The following TRIM66 variants were observed in gnomAD, a reference collection of about 807,000 sequenced individuals.
TRIM66 encodes the protein tripartite motif-containing protein 66.
Under a neutral mutation model 148.2 loss-of-function variants are expected in TRIM66, and 99 were observed. The observed-to-expected ratio is 0.67, with a 90% CI of 0.57 to 0.79. The LOEUF (loss-of-function observed/expected upper bound fraction) is 0.79. Ranked by LOEUF, TRIM66 falls within the 30% of genes least tolerant of loss-of-function variation. The probability of loss-of-function intolerance (pLI) is 0.00; values close to 1 mark genes in which losing one functional copy is unlikely to be tolerated. For missense variants in TRIM66, 1,666 were observed against 1,697.9 expected, an observed-to-expected ratio of 0.98 and a Z score of 0.33; for synonymous variants, 616 against 635.9, an observed-to-expected ratio of 0.97 and a Z score of 0.47.
At chr11:8,682,930 T>C (rs2039513379), upstream of TRIM66, 13 of 1,368,694 alleles carry the variant, frequency 9.5e-6, no homozygotes, top group Non-Finnish European at 1.3e-5. Flanking sequence ...AGGCTGCGCA[T>C]GGCCGCCTGC....
At chr11:8,661,820 C>T (rs540053041) in intron 6 of TRIM66, among the ~76,000 whole-genome samples, 13 of 152,266 alleles carry the variant, frequency 8.5e-5, no homozygotes, top group Admixed American at 4.6e-4. Flanking sequence ...CAGAAAGTTC[C>T]AGCAGACAAG....
intron 15 of TRIM66, among the ~76,000 whole-genome samples, chr11:8,636,689 T>C (rs1388419461): frequency 1.3e-5 from 2 of 152,174 alleles, no homozygotes; most frequent in African/African-American, 2.4e-5. Flanking sequence ...TCCATTCCTA[T>C]TGCTATTGAT....
At chr11:8,677,941 A>G (rs1592221461) in intron 3 of TRIM66, among the ~76,000 whole-genome samples, 2 of 152,252 alleles carry the variant, frequency 1.3e-5, no homozygotes, top group East Asian at 1.9e-4. Flanking sequence ...GCTGAAGAAA[A>G]CCTCGCCTGA....
intron 22 of TRIM66, 112 bp from the exon 23 acceptor site, chr11:8,619,647 T>G: frequency 9.4e-7 from 1 of 1,064,038 alleles, no homozygotes; most frequent in Non-Finnish European, 1.3e-6. Flanking sequence ...AGTGAAAGAA[T>G]AGGAAGAGGA....
chr11:8,662,365 T>A (rs535629289), intron 6 of TRIM66, among the ~76,000 whole-genome samples: 1 of 152,368 alleles, frequency 6.6e-6, no homozygotes, highest in South Asian at 2.1e-4. Flanking sequence ...TCTAAGGTTG[T>A]AGCATCTTGC....
At chr11:8,647,375 A>G (rs1350555207) in intron 10 of TRIM66, among the ~76,000 whole-genome samples, 2 of 152,236 alleles carry the variant, frequency 1.3e-5, no homozygotes, top group East Asian at 3.9e-4. Context: ...GTGTGATCTC[A>G]GATGAGTTAC....
At chr11:8,681,278 C>A (rs533972370) in intron 1 of TRIM66, among the ~76,000 whole-genome samples, 2 of 151,946 alleles carry the variant, frequency 1.3e-5, no homozygotes, top group Non-Finnish European at 2.9e-5. Flanking sequence ...GGACTACAGG[C>A]GCCCACCACC....
At chr11:8,651,399 C>T (rs1057288667) in intron 7 of TRIM66, among the ~76,000 whole-genome samples, 3 of 151,958 alleles carry the variant, frequency 2.0e-5, no homozygotes, top group Non-Finnish European at 4.4e-5. Flanking sequence ...GGTTAATAAA[C>T]CCATTTAATC....
chr11:8,622,639 A>G (rs969077926), intron 18 of TRIM66, among the ~76,000 whole-genome samples, 177 bp downstream of exon 18: 1 of 151,970 alleles, frequency 6.6e-6, no homozygotes, highest in African/African-American at 2.4e-5. Context: ...TGCAGGAGCC[A>G]GGACATCCTC....
At position 8,657,982 on chromosome 11, in the gene TRIM66, G is replaced by A. The variant is rs368935689; in HGVS notation, c.341-6079C>T. On this transcript the variant is annotated intron_variant, in intron 6 of 24. Coordinates refer to ENST00000646038, the MANE Select transcript of TRIM66 (RefSeq NM_001388022.1). ...AGGTGAGACCACCACAGGTCCCAGAGGATGGCGCTTACCAAGCGCCCAGGA... is the reference window on the plus strand; with the variant it reads ...AGGTGAGACCACCACAGGTCCCAGAAGATGGCGCTTACCAAGCGCCCAGGA... Among the ~76,000 whole-genome samples the A allele has an allele frequency of 3.2e-4, 48 of 152,258 alleles. No homozygotes were observed. In the East Asian group the frequency reaches 5.4e-3, roughly 17 times the overall value.
intron 4 of TRIM66, among the ~76,000 whole-genome samples, chr11:8,672,935 CTCTT>C (rs1464690751): frequency 7.7e-6 from 1 of 129,870 alleles, no homozygotes; most frequent in Non-Finnish European, 1.6e-5. Flanking sequence ...CTGGCCCATA[CTCTT>C]TTTTTTTTTT....
In TRIM66 at chr11:8,638,739, G is replaced by C. The variant is rs548842543; in HGVS notation, c.2225C>G (p.Pro742Arg). The C allele has an allele frequency of 1.6e-5, 25 of 1,550,648 alleles. No homozygotes were observed. Among genetic ancestry groups the C allele is most frequent in the Middle Eastern group, 3.3e-4 (2 of 6,006 alleles). Residue 742 changes from proline (P) to arginine (R), a missense_variant, in exon 15 of 25, where the codon CCC becomes CGC. This residue lies in a region of TRIM66 where 1,431 missense variants were observed against 1,412.4 expected (regional missense o/e 1.01). Transcript: ENST00000646038. ...PLDKNTAAALPQASGEETPLS... is the reference protein window; with the variant it reads ...PLDKNTAAALRQASGEETPLS... ...AGGGGTTTCTTCCCCAGACGCCTGGGGCAAGGCAGCAGCAGTATTCTTGTC... is the reference window on the plus strand; with the variant it reads ...AGGGGTTTCTTCCCCAGACGCCTGGCGCAAGGCAGCAGCAGTATTCTTGTC...
At position 8,677,175 on chromosome 11, in the gene TRIM66, A is replaced by AT. The variant is rs1295613170; in HGVS notation, c.-189-2293dup. 7.9e-5 allele frequency among the ~76,000 whole-genome samples: 12 copies of AT among 152,174 alleles called. 1 individual carries two copies. Among genetic ancestry groups the AT allele is most frequent in the Admixed American group, 7.9e-4 (12 of 15,282 alleles). ...ACAAATTATCATAAAAATAACACTC[A>AT]TTTTAGGGAGAAAATGTGAGCGAGA... On this transcript the variant is annotated intron_variant, in intron 3 of 24. Coordinates refer to ENST00000646038, the MANE Select transcript of TRIM66 (RefSeq NM_001388022.1).
chr11:8,619,396 G>C lies in TRIM66; in HGVS notation c.3887C>G (p.Ala1296Gly). The change falls in exon 23 of 25, where the codon GCT becomes GGT. Residue 1296 changes from alanine (A) to glycine (G), a missense_variant. This residue lies in a region of TRIM66 where 204 missense variants were observed against 231.0 expected (regional missense o/e 0.88). Coordinates refer to ENST00000646038, the MANE Select transcript of TRIM66 (RefSeq NM_001388022.1). Reference sequence around the variant, plus strand: ...GGCAAGACATACATAATTGAACTTAGCACAGTTCCAGAACATGAGGCGCAC... The same window carrying C: ...GGCAAGACATACATAATTGAACTTACCACAGTTCCAGAACATGAGGCGCAC... Reference protein sequence around the residue: ...SDVRLMFWNCAKFNYPDSEVA... With the variant: ...SDVRLMFWNCGKFNYPDSEVA... 1 of 1,520,256 alleles carries C rather than the reference G, an allele frequency of 6.6e-7. No homozygotes were observed. The highest frequency in any genetic ancestry group is 8.8e-7 in the Non-Finnish European group (1 of 1,134,176). 94.2% of individuals were successfully genotyped at this position (1,520,256 alleles called of 1,614,324 possible). A position where few individuals can be genotyped will look rare whatever the true frequency, so the allele number is the denominator to read the frequency against.
chr11:8,658,245 A>T lies in TRIM66; in HGVS notation c.341-6342T>A, dbSNP rs140838730. 3.4e-3 allele frequency among the ~76,000 whole-genome samples: 514 copies of T among 152,336 alleles called. 8 individuals carry two copies. The highest frequency in any genetic ancestry group is 2.5e-3 in the Non-Finnish European group (169 of 68,016). On this transcript the variant is annotated intron_variant, in intron 6 of 24. Transcript: ENST00000646038. The stretch of plus-strand genomic sequence containing the variant: ...AGCAATTTTCCCAAACTGAACAGCA[A>T]GAGGGAGACCTCAAAGAGGCGACTC...
intron 15 of TRIM66, among the ~76,000 whole-genome samples, chr11:8,625,499 G>C (rs1380501261): frequency 1.3e-5 from 2 of 151,442 alleles, no homozygotes; most frequent in African/African-American, 4.9e-5. Flanking sequence ...GTGTGTCACA[G>C]CAAGAGTGAG....
At chr11:8,619,821 A>C (rs2034031896) in intron 22 of TRIM66, among the ~76,000 whole-genome samples, 1 of 152,206 alleles carries the variant, frequency 6.6e-6, no homozygotes, top group Admixed American at 6.5e-5. Flanking sequence ...CCATAAGTTA[A>C]TATTGTCACT....
At chr11:8,640,103 A>G in intron 14 of TRIM66, 124 bp downstream of exon 14, 1 of 955,220 alleles carries the variant, frequency 1.0e-6, no homozygotes, top group Non-Finnish European at 1.5e-6. Context: ...GTGAGGGCTG[A>G]GCTCAAGGCA....
At chr11:8,673,396 TAA>T (rs1204135135) in intron 4 of TRIM66, among the ~76,000 whole-genome samples, 1 of 152,196 alleles carries the variant, frequency 6.6e-6, no homozygotes, top group Non-Finnish European at 1.5e-5. Flanking sequence ...GGGGTAGTGT[TAA>T]GAGTCTAGGA....
Sources: allele counts gnomAD v4.1 joint callset (sites outside exome capture counted in the v4.1 genomes callset), GRCh38; gene constraint gnomAD v4.1.1; regional missense constraint gnomAD v4.1.1; transcripts MANE v1.5; gene names NCBI Gene and HGNC (gene_info 2026-07-23, HGNC 2026-07-21).